Variants in PELI2 observed in about 807,000 individuals in gnomAD.
PELI2 encodes the protein pellino E3 ubiquitin protein ligase family member 2.
PELI2 carries 23 observed loss-of-function variants against 42.3 expected under a neutral mutation model. That is an observed-to-expected ratio of 0.54 (90% CI 0.39 to 0.77). PELI2 has a LOEUF of 0.77. Among genes scored for constraint, PELI2 ranks in the 30% least tolerant of loss-of-function variants. The pLI is 0.00. For synonymous variants in PELI2, 245 were observed against 212.2 expected (o/e 1.15, Z -1.34); for missense variants, 463 against 553.2 (o/e 0.84, Z 1.64).
chr14:56,294,041 G>T (rs1566689374), intron 5 of PELI2, among the ~76,000 whole-genome samples: 1 of 152,204 alleles, frequency 6.6e-6, no homozygotes, highest in Non-Finnish European at 1.5e-5. Context: ...GGGATGCTCG[G>T]TATGGTGGTG....
At chr14:56,171,738 G>A (rs532940021) in intron 1 of PELI2, among the ~76,000 whole-genome samples, 1 of 152,306 alleles carries the variant, frequency 6.6e-6, no homozygotes, top group South Asian at 2.1e-4. Context: ...GGGACCAGCT[G>A]GGCACAGTGG....
At chr14:56,244,370 T>C (rs1888080191) in intron 2 of PELI2, among the ~76,000 whole-genome samples, 1 of 152,254 alleles carries the variant, frequency 6.6e-6, no homozygotes, top group African/African-American at 2.4e-5. Flanking sequence ...TTTCACTTTA[T>C]AGTTTGTTGA....
At chr14:56,144,858 G>C in intron 1 of PELI2, 1 of 430,334 alleles carries the variant, frequency 2.3e-6, no homozygotes, top group Non-Finnish European at 3.1e-6. Flanking sequence ...CTTAGTATGG[G>C]GCCTTGTACA....
chr14:56,118,807 G>T (rs1477631676), intron 1 of PELI2, 70 bp downstream of exon 1: 2 of 1,099,450 alleles, frequency 1.8e-6, no homozygotes, highest in Non-Finnish European at 2.5e-6. Context: ...GAGCGGGGCT[G>T]GCGGGGTGGC....
rs139679787 is a variant in PELI2, at chr14:56,183,522, G to T, written c.207+5058G>T. Reference sequence around the variant, plus strand: ...CATTAAGTATTTATTAGGACTTCAAGAATTGTTTTTATGTGAATGTAGCAT... The same window carrying T: ...CATTAAGTATTTATTAGGACTTCAATAATTGTTTTTATGTGAATGTAGCAT... On this transcript the variant is annotated intron_variant, in intron 2 of 5. Transcript: ENST00000267460. Among the ~76,000 whole-genome samples, 6 of 152,262 alleles carry T rather than the reference G, an allele frequency of 3.9e-5. No homozygotes were observed. The South Asian group carries it at 8.3e-4, about 21-fold the overall frequency.
intron 2 of PELI2, among the ~76,000 whole-genome samples, chr14:56,231,154 T>TG (rs1887551983): frequency 6.6e-6 from 1 of 151,974 alleles, no homozygotes. Context: ...CACAGTAAAG[T>TG]GGGGGGACAC....
intron 2 of PELI2, among the ~76,000 whole-genome samples, chr14:56,240,273 T>C (rs76422216): frequency 0.015 from 2,283 of 152,018 alleles, 62 homozygotes; most frequent in African/African-American, 0.053. Flanking sequence ...TAGGGTATCC[T>C]GGGGCGAGAC....
chr14:56,230,563 G>C (rs908818001), intron 2 of PELI2, among the ~76,000 whole-genome samples: 2 of 152,106 alleles, frequency 1.3e-5, no homozygotes, highest in African/African-American at 2.4e-5. Context: ...GAGATTTTGT[G>C]ACCACGAGGC....
rs1886193182 is a variant in PELI2 at position 56,197,986 on chromosome 14, A to G, written c.207+19522A>G. ...CTGGTGAAGACACACACACACACAC[A>G]CACACACACACACACACACACACAC... On this transcript the variant is annotated intron_variant, in intron 2 of 5. Coordinates refer to ENST00000267460, the MANE Select transcript of PELI2 (RefSeq NM_021255.3). The surrounding 1 kb of genome is among the most constrained non-coding windows in gnomAD (Gnocchi z 4.9). Among the ~76,000 whole-genome samples, 1 of 141,518 alleles carries G rather than the reference A, an allele frequency of 7.1e-6. No homozygotes were observed. Among genetic ancestry groups the G allele is most frequent in the South Asian group, 2.3e-4 (1 of 4,348 alleles). 92.8% of individuals were successfully genotyped at this position (141,518 alleles called of 152,430 possible).
intron 2 of PELI2, among the ~76,000 whole-genome samples, chr14:56,209,452 G>T (rs1385606989): frequency 6.6e-6 from 1 of 152,200 alleles, no homozygotes; most frequent in Non-Finnish European, 1.5e-5. Context: ...AATTGAGTCA[G>T]ACATTAGAGA....
In PELI2 at chr14:56,296,626, G is replaced by T. The variant is rs776618039; in HGVS notation, c.723G>T (p.Gln241His). The T allele has an allele frequency of 5.6e-6, 9 of 1,609,840 alleles. No individual in the cohort carries two copies. The highest frequency in any genetic ancestry group is 7.6e-6 in the Non-Finnish European group (9 of 1,176,876). ...TGGAAAGTGAGACCAACGTCCTGCA[G>T]GACGGCTCCCTCATTGACCTGTGTG... Reference protein sequence around the residue: ...KLVESETNVLQDGSLIDLCGA... With the variant: ...KLVESETNVLHDGSLIDLCGA... Residue 241 changes from glutamine (Q) to histidine (H), a missense_variant, in exon 6 of 6, where the codon CAG becomes CAT. By Grantham distance (24) the Gln-to-His change is conservative (BLOSUM62 0). Coordinates refer to ENST00000267460, the MANE Select transcript of PELI2 (RefSeq NM_021255.3).
At chr14:56,191,611 G>A (rs369817899) in intron 2 of PELI2, among the ~76,000 whole-genome samples, 1 of 152,174 alleles carries the variant, frequency 6.6e-6, no homozygotes, top group East Asian at 1.9e-4. Flanking sequence ...GGTGTTGCTA[G>A]TACCCATGAG....
intron 2 of PELI2, among the ~76,000 whole-genome samples, chr14:56,252,026 G>A (rs1888364279): frequency 6.6e-6 from 1 of 152,124 alleles, no homozygotes; most frequent in Non-Finnish European, 1.5e-5. Flanking sequence ...AATAGCACAG[G>A]GTAATAATGT....
intron 2 of PELI2, among the ~76,000 whole-genome samples, chr14:56,182,210 G>T (rs904574662): frequency 1.3e-5 from 2 of 151,972 alleles, no homozygotes; most frequent in Admixed American, 1.3e-4. Flanking sequence ...GAGGAGAGAG[G>T]AGTTGACCAA....
chr14:56,290,127 A>C (rs1889779102), intron 4 of PELI2, 141 bp from the exon 5 acceptor site: 3 of 589,010 alleles, frequency 5.1e-6, no homozygotes, highest in South Asian at 6.8e-5. Flanking sequence ...TATCCTTGTG[A>C]TTATTAGCTT....
chr14:56,185,169 T>A (rs560887720), intron 2 of PELI2, among the ~76,000 whole-genome samples: 8 of 152,194 alleles, frequency 5.3e-5, no homozygotes, highest in Non-Finnish European at 1.2e-4. Flanking sequence ...ATAGAGTGAG[T>A]TTTAGATCAA....
chr14:56,188,077 C>T (rs556900827), intron 2 of PELI2, among the ~76,000 whole-genome samples: 2 of 152,324 alleles, frequency 1.3e-5, no homozygotes, highest in African/African-American at 4.8e-5. Context: ...CCCTCACTCC[C>T]AGCCTCAGTG....
At chr14:56,182,430 G>T (rs71414108) in intron 2 of PELI2, among the ~76,000 whole-genome samples, 2 of 152,274 alleles carry the variant, frequency 1.3e-5, no homozygotes, top group East Asian at 3.9e-4. Context: ...TGGTGGTGAC[G>T]GTGTGGATAC....
At chr14:56,141,477 T>A (rs933497461) in intron 1 of PELI2, among the ~76,000 whole-genome samples, 1 of 152,206 alleles carries the variant, frequency 6.6e-6, no homozygotes, top group Non-Finnish European at 1.5e-5. Flanking sequence ...TTTTAGGAGA[T>A]AACTTATTTC....
Sources: allele counts gnomAD v4.1 joint callset (sites outside exome capture counted in the v4.1 genomes callset), GRCh38; gene constraint gnomAD v4.1.1; non-coding constraint Gnocchi (gnomAD v3.1); transcripts MANE v1.5; gene names NCBI Gene and HGNC (gene_info 2026-07-23, HGNC 2026-07-21).